The following LINGO2 variants were observed in gnomAD, a reference collection of about 807,000 sequenced individuals.
LINGO2 encodes leucine-rich repeat and immunoglobulin-like domain-containing nogo receptor-interacting protein 2.
A neutral mutation model predicts 30.6 loss-of-function variants in LINGO2; 14 were observed. That is an observed-to-expected ratio of 0.46 (90% CI 0.30 to 0.72). The LOEUF (loss-of-function observed/expected upper bound fraction) is 0.72, where lower values mean the gene tolerates loss of function less well. Among genes scored for constraint, LINGO2 ranks in the 30% least tolerant of loss-of-function variants. The probability of loss-of-function intolerance (pLI) is 0.07; values close to 1 mark genes in which losing one functional copy is unlikely to be tolerated. For missense variants in LINGO2, 729 were observed against 751.7 expected (o/e 0.97, Z 0.35); for synonymous variants, 317 against 288.5 (o/e 1.10, Z -1.00).
rs144059596 is a variant in LINGO2 at position 28,656,798 on chromosome 9, T to C, written c.-365+13402A>G. 3.5e-3 allele frequency among the ~76,000 whole-genome samples: 530 copies of C among 152,268 alleles called. 6 individuals carry two copies. Among genetic ancestry groups the C allele is most frequent in the African/African-American group, 0.012 (513 of 41,570 alleles). ...AATTCCCCTATCCATTAGTGTGATT[T>C]GTACTTTGTGACTCACTTCTAACTA... is the stretch of plus-strand genomic sequence containing the variant. On this transcript the variant is annotated intron_variant, in intron 1 of 5. Coordinates refer to ENST00000379992, the Ensembl canonical transcript of LINGO2.
intron 1 of LINGO2, among the ~76,000 whole-genome samples, chr9:28,481,602 TTTTATTTA>T (rs570839597): frequency 2.6e-5 from 4 of 151,714 alleles, no homozygotes; most frequent in Non-Finnish European, 4.4e-5. Flanking sequence ...TCTGTGTAAG[TTTTATTTA>T]TTTATTTATT....
the LINGO2 span, among the ~76,000 whole-genome samples, chr9:28,818,553 T>A: frequency 6.6e-6 from 1 of 152,092 alleles, no homozygotes; most frequent in Non-Finnish European, 1.5e-5. Context: ...ATTCAGCTAA[T>A]TTTTGTATTT....
At chr9:28,633,776 T>C (rs1301980057) in intron 1 of LINGO2, among the ~76,000 whole-genome samples, 3 of 152,164 alleles carry the variant, frequency 2.0e-5, no homozygotes, top group Non-Finnish European at 2.9e-5. Context: ...CCTAGGAACT[T>C]AATTTCTTTG....
intron 5 of LINGO2, among the ~76,000 whole-genome samples, chr9:27,996,079 A>G (rs542488796): frequency 6.6e-6 from 1 of 152,260 alleles, no homozygotes; most frequent in South Asian, 2.1e-4. Flanking sequence ...AATCATAACC[A>G]CAGTGAGATA....
intron 4 of LINGO2, among the ~76,000 whole-genome samples, chr9:28,145,063 A>G (rs1827776112): frequency 6.6e-6 from 1 of 152,240 alleles, no homozygotes; most frequent in South Asian, 2.1e-4. Context: ...CCATCTAAGC[A>G]GAGCAAAATG....
chr9:28,981,256 T>G, the LINGO2 span, among the ~76,000 whole-genome samples: 2 of 152,102 alleles, frequency 1.3e-5, no homozygotes, highest in African/African-American at 2.4e-5. Flanking sequence ...GGATCAGTAA[T>G]GTAGGCAGGA....
At chr9:29,080,352 G>C in the LINGO2 span, among the ~76,000 whole-genome samples, 1 of 151,622 alleles carries the variant, frequency 6.6e-6, no homozygotes, top group Non-Finnish European at 1.5e-5. Flanking sequence ...TATTAGTCTT[G>C]CTAGCGGTCT....
chr9:28,848,055 A>AC, the LINGO2 span, among the ~76,000 whole-genome samples: 1 of 56,658 alleles, frequency 1.8e-5, no homozygotes, highest in Non-Finnish European at 3.1e-5. Context: ...GTATATATAT[A>AC]TATATATGTA....
At chr9:29,188,685 G>A in the LINGO2 span, among the ~76,000 whole-genome samples, 2 of 141,896 alleles carry the variant, frequency 1.4e-5, no homozygotes, top group African/African-American at 2.5e-5. Context: ...CGGATGGGGC[G>A]GCTGGCCAGG....
At chr9:28,797,359 T>TATATATATAG in the LINGO2 span, among the ~76,000 whole-genome samples, 90 of 34,210 alleles carry the variant, frequency 2.6e-3, no homozygotes, top group East Asian at 3.2e-3. Flanking sequence ...TATATATATA[T>TATATATATAG]AGAGAGAGAG....
At chr9:28,792,192 C>T in the LINGO2 span, among the ~76,000 whole-genome samples, 116 of 151,702 alleles carry the variant, frequency 7.6e-4, no homozygotes, top group Admixed American at 1.5e-3. Flanking sequence ...TTTAAGGAAC[C>T]GATTCATGCT....
chr9:28,458,111 T>G (rs1321235304), intron 2 of LINGO2, among the ~76,000 whole-genome samples: 1 of 152,222 alleles, frequency 6.6e-6, no homozygotes, highest in Non-Finnish European at 1.5e-5. Context: ...TTGGTGGGAC[T>G]ACTTTAAAGA....
the LINGO2 span, among the ~76,000 whole-genome samples, chr9:29,181,301 A>G: frequency 1.3e-5 from 2 of 152,336 alleles, no homozygotes; most frequent in East Asian, 1.9e-4. Context: ...GGTTCTTTGT[A>G]GAAAAGAGTA....
intron 4 of LINGO2, among the ~76,000 whole-genome samples, chr9:28,055,694 T>G (rs1824900917): frequency 6.6e-6 from 1 of 152,200 alleles, no homozygotes; most frequent in Non-Finnish European, 1.5e-5. Context: ...GCTTCTTTGT[T>G]AACTACCTGT....
intron 2 of LINGO2, among the ~76,000 whole-genome samples, chr9:28,449,464 G>A (rs920844603): frequency 2.6e-5 from 4 of 151,910 alleles, no homozygotes; most frequent in African/African-American, 9.7e-5. Context: ...TTTAATAGTT[G>A]GCCTGTTGCC....
intron 5 of LINGO2, among the ~76,000 whole-genome samples, chr9:27,952,232 T>C (rs183722099): frequency 6.6e-6 from 1 of 152,126 alleles, no homozygotes; most frequent in Admixed American, 6.5e-5. Context: ...TTGTAAAAAT[T>C]ATCTCAGTCA....
chr9:28,378,195 C>T (rs917140034), intron 2 of LINGO2, among the ~76,000 whole-genome samples: 1 of 152,138 alleles, frequency 6.6e-6, no homozygotes, highest in East Asian at 1.9e-4. Flanking sequence ...CTAGAGCATT[C>T]CAAGAAAGGT....
At chr9:28,529,721 C>T (rs1821160091) in intron 1 of LINGO2, among the ~76,000 whole-genome samples, 1 of 149,504 alleles carries the variant, frequency 6.7e-6, no homozygotes, top group South Asian at 2.1e-4. Context: ...GGAAAAGTTA[C>T]ATAAATACAA....
At position 28,559,967 on chromosome 9, in the gene LINGO2, G is replaced by A. The variant is rs144046699; in HGVS notation, c.-364-83942C>T. Among the ~76,000 whole-genome samples the A allele has an allele frequency of 9.6e-3, 1,459 of 151,890 alleles. 11 individuals are homozygous for A. Among genetic ancestry groups the A allele is most frequent in the Middle Eastern group, 0.02 (6 of 294 alleles). ...CTCCAACATCTGTACATAGAGTAGA[G>A]GAACAGCAAGGAGCACTGGGAAAAG... On this transcript the variant is annotated intron_variant, in intron 1 of 5. Coordinates refer to ENST00000379992, the Ensembl canonical transcript of LINGO2.
Sources: allele counts gnomAD v4.1 joint callset (sites outside exome capture counted in the v4.1 genomes callset), GRCh38; gene constraint gnomAD v4.1.1; transcripts MANE v1.5; gene names NCBI Gene and HGNC (gene_info 2026-07-23, HGNC 2026-07-21).